RELN: variants seen among roughly 807,000 people sequenced by gnomAD.
RELN encodes reelin.
Under a neutral mutation model 427.6 loss-of-function variants are expected in RELN, and 108 were observed. That is an observed-to-expected ratio of 0.25 (90% CI 0.22 to 0.30). The LOEUF is 0.30. Ranked by LOEUF, RELN falls within the 10% of genes least tolerant of loss-of-function variation. The pLI is 1.00. For synonymous variants in RELN, 1,524 were observed against 1,513.4 expected (o/e 1.01, Z -0.16); for missense variants, 3,715 against 4,302.8 (o/e 0.86, Z 3.82).
chr7:103,661,919 A>G (rs1833152804), intron 11 of RELN, among the ~76,000 whole-genome samples: 1 of 152,228 alleles, frequency 6.6e-6, no homozygotes, highest in Non-Finnish European at 1.5e-5. Context: ...AAATACTTGT[A>G]TGATGTTTTA....
At chr7:103,952,554 TTCTCTCTC>T (rs145303514) in intron 1 of RELN, among the ~76,000 whole-genome samples, 2 of 149,860 alleles carry the variant, frequency 1.3e-5, no homozygotes, top group Admixed American at 6.7e-5. Flanking sequence ...CTCTCACTCT[TTCTCTCTC>T]TCTCTCTCTC....
chr7:103,760,022 T>TA, intron 4 of RELN, among the ~76,000 whole-genome samples: 1 of 117,790 alleles, frequency 8.5e-6, no homozygotes, highest in East Asian at 2.7e-4. Context: ...TTTTTTTTTT[T>TA]ACATCTTAGC....
chr7:103,766,587 C>CTT (rs1391822304), intron 4 of RELN, among the ~76,000 whole-genome samples: 3 of 152,252 alleles, frequency 2.0e-5, no homozygotes, highest in South Asian at 4.1e-4. Context: ...GGTTAAACAC[C>CTT]CCATTCACAT....
intron 1 of RELN, among the ~76,000 whole-genome samples, chr7:103,935,738 A>C (rs897734240): frequency 6.6e-6 from 1 of 152,220 alleles, no homozygotes; most frequent in Non-Finnish European, 1.5e-5. Context: ...ATAATTATGT[A>C]ACATACTTAT....
intron 60 of RELN, among the ~76,000 whole-genome samples, chr7:103,487,565 T>G (rs1668394261): frequency 6.6e-6 from 1 of 152,194 alleles, no homozygotes; most frequent in Non-Finnish European, 1.5e-5. Context: ...CCAATTTTCT[T>G]TGAGTCAATG....
At chr7:103,677,450 AAT>A (rs1260771009) in intron 11 of RELN, among the ~76,000 whole-genome samples, 6 of 143,626 alleles carry the variant, frequency 4.2e-5, no homozygotes, top group Non-Finnish European at 6.1e-5. Context: ...TAATAATAAT[AAT>A]AAAAAGAACA....
chr7:103,744,992 T>C (rs1169397847), intron 6 of RELN, among the ~76,000 whole-genome samples: 1 of 152,208 alleles, frequency 6.6e-6, no homozygotes, highest in Non-Finnish European at 1.5e-5. Flanking sequence ...ATATCCTTGA[T>C]GAACATCGAT....
At chr7:103,538,120 C>T (rs534103078) in intron 45 of RELN, among the ~76,000 whole-genome samples, 5 of 152,346 alleles carry the variant, frequency 3.3e-5, no homozygotes, top group African/African-American at 1.2e-4. Context: ...CTAATCTTGA[C>T]TGACTGTGTC....
chr7:103,605,945 G>A (rs1831808533), intron 22 of RELN, among the ~76,000 whole-genome samples: 1 of 152,152 alleles, frequency 6.6e-6, no homozygotes, highest in African/African-American at 2.4e-5. Flanking sequence ...TGGAACATAC[G>A]ATGGGACAGA....
intron 37 of RELN, among the ~76,000 whole-genome samples, chr7:103,557,489 A>T (rs939564198): frequency 2.0e-5 from 3 of 152,230 alleles, no homozygotes; most frequent in Non-Finnish European, 2.9e-5. Flanking sequence ...CAAACATTTA[A>T]ATCTCAGGAT....
Position 103,630,017 on chromosome 7 carries a change from A to G in RELN, c.2625T>C (p.Asn875=). The G allele has an allele frequency of 6.2e-7, 1 of 1,613,906 alleles. No homozygotes were observed. Among genetic ancestry groups the G allele is most frequent in the Non-Finnish European group, 8.5e-7 (1 of 1,179,876 alleles). ...LFNSISLDFT[N]LVEVTQSLGF... ...CCAGAGACTGAGTGACCTCCACAAG[A>G]TTGGTAAAGTCAAGACTAATGCTGT... The change falls in exon 20 of 65, where the codon AAT becomes AAC. Residue 875 remains asparagine (N), a synonymous_variant. Coordinates refer to ENST00000428762, the MANE Select transcript of RELN (RefSeq NM_005045.4).
chr7:103,857,775 G>A (rs538104077), intron 2 of RELN, among the ~76,000 whole-genome samples: 7 of 152,254 alleles, frequency 4.6e-5, no homozygotes, highest in African/African-American at 1.4e-4. Flanking sequence ...AAATCCAGTC[G>A]TGGTAAACAG....
At chr7:103,783,164 C>CT (rs34257358) in intron 3 of RELN, among the ~76,000 whole-genome samples, 2,566 of 109,286 alleles carry the variant, frequency 0.023, 53 homozygotes, top group African/African-American at 0.057. Flanking sequence ...CTCTTTCTTT[C>CT]TTTTTTTTTT....
intron 2 of RELN, among the ~76,000 whole-genome samples, chr7:103,881,744 T>C (rs1794611975): frequency 6.6e-6 from 1 of 152,168 alleles, no homozygotes; most frequent in Non-Finnish European, 1.5e-5. Flanking sequence ...CCTCAGCAGA[T>C]GCCTCATGGA....
At chr7:103,944,402 C>A (rs1258960146) in intron 1 of RELN, among the ~76,000 whole-genome samples, 1 of 151,956 alleles carries the variant, frequency 6.6e-6, no homozygotes, top group Non-Finnish European at 1.5e-5. Context: ...GGTCCTTTGC[C>A]AAAGGATGGC....
At chr7:103,531,472 G>A (rs921344803) in intron 46 of RELN, among the ~76,000 whole-genome samples, 1 of 152,166 alleles carries the variant, frequency 6.6e-6, no homozygotes, top group Non-Finnish European at 1.5e-5. Flanking sequence ...TGTATCTCGT[G>A]TTTAGTTTCA....
At chr7:103,503,267 T>TATATG (rs1158109342) in intron 51 of RELN, 37 bp from the exon 52 acceptor site, 1 of 1,582,828 alleles carries the variant, frequency 6.3e-7, no homozygotes, top group South Asian at 1.1e-5. Context: ...GTATTAAAAC[T>TATATG]ATATGATATG....
intron 51 of RELN, among the ~76,000 whole-genome samples, chr7:103,507,806 AAG>A (rs747002898): frequency 6.6e-6 from 1 of 152,334 alleles, no homozygotes; most frequent in African/African-American, 2.4e-5. Flanking sequence ...TAAGGAAGAA[AAG>A]AGAGAAGGAT....
intron 6 of RELN, among the ~76,000 whole-genome samples, chr7:103,742,600 C>A (rs1006826294): frequency 2.0e-5 from 3 of 152,064 alleles, no homozygotes; most frequent in Admixed American, 2.0e-4. Context: ...AACCAAGGCA[C>A]GAGAGCTACA....
Sources: gnomAD v4.1 joint callset for allele counts (sites outside exome capture counted in the v4.1 genomes callset) on GRCh38, gnomAD v4.1.1 for gene constraint, MANE v1.5 for transcripts, NCBI Gene and HGNC (gene_info 2026-07-23, HGNC 2026-07-21) for gene names.